Variants in STRADA observed in about 807,000 individuals in gnomAD.
The protein encoded by STRADA is STE20-related kinase adapter protein alpha.
Under a neutral mutation model 55.0 loss-of-function variants are expected in STRADA, and 26 were observed. The ratio of observed to expected loss-of-function variants is 0.47; its 90% CI spans 0.35 to 0.66. The LOEUF (loss-of-function observed/expected upper bound fraction) is 0.66. Among genes scored for constraint, STRADA ranks in the 30% least tolerant of loss-of-function variants. The pLI is 0.01. For synonymous variants in STRADA, 197 were observed against 210.9 expected (o/e 0.93, Z 0.57); for missense variants, 443 against 549.7 (o/e 0.81, Z 1.94).
chr17:63,722,987 T>C (rs2037411505), intron 4 of STRADA, among the ~76,000 whole-genome samples: 1 of 152,176 alleles, frequency 6.6e-6, no homozygotes, highest in East Asian at 1.9e-4. Context: ...AATAACCGTA[T>C]TTCTGACTGT....
At position 63,728,508 on chromosome 17, in the gene STRADA, A is replaced by C. The variant is rs374821564; in HGVS notation, c.-44-95T>G. ...AAAACTTATTACAGGTCTACCATTC[A>C]AAGCACTGGACTTCACCTATAAATT... On this transcript the variant is annotated intron_variant, in intron 1 of 12. Coordinates refer to ENST00000336174, the MANE Select transcript of STRADA (RefSeq NM_001003787.4). The C allele has an allele frequency of 2.6e-4, 162 of 627,056 alleles. 5 individuals are homozygous for C. In the South Asian group the frequency reaches 3.4e-3, roughly 13 times the overall value. 38.8% of individuals were successfully genotyped at this position (627,056 alleles called of 1,614,324 possible).
chr17:63,722,663 G>A (rs1568203902), intron 4 of STRADA, among the ~76,000 whole-genome samples: 1 of 152,168 alleles, frequency 6.6e-6, no homozygotes, highest in Non-Finnish European at 1.5e-5. Flanking sequence ...GGTAGGAAAG[G>A]TTCTTATCCT....
intron 9 of STRADA, among the ~76,000 whole-genome samples, chr17:63,706,943 C>T (rs377651370): frequency 6.6e-6 from 1 of 152,208 alleles, no homozygotes; most frequent in Non-Finnish European, 1.5e-5. Context: ...AGTGCCAGCC[C>T]CATGCCCCTG....
At chr17:63,713,553 G>A (rs778939416) in intron 5 of STRADA, 26 bp from the exon 6 acceptor site, 26 of 1,607,750 alleles carry the variant, frequency 1.6e-5, no homozygotes, top group South Asian at 6.8e-5. Flanking sequence ...AATGCCATAC[G>A]CAAGGACAAG....
chr17:63,728,903 ATTTT>A (rs1298765689), intron 1 of STRADA, among the ~76,000 whole-genome samples: 27 of 148,916 alleles, frequency 1.8e-4, no homozygotes, highest in African/African-American at 2.0e-4. Context: ...AAAAAAAAAA[ATTTT>A]AATTAATTAA....
At chr17:63,739,733 A>G (rs910716048) in intron 1 of STRADA, among the ~76,000 whole-genome samples, 4 of 143,798 alleles carry the variant, frequency 2.8e-5, no homozygotes, top group African/African-American at 1.1e-4. Context: ...TGTATATATT[A>G]TGTATACATA....
In STRADA at chr17:63,726,615, G is replaced by C. The variant is rs376149311; in HGVS notation, c.94+23C>G. ...GTGATTTTTATATCCTGAAGTGATG[G>C]CTAAATGCCATACTGTACTTACCTC... On this transcript the variant is annotated intron_variant, in intron 3 of 12. Coordinates refer to ENST00000336174, the MANE Select transcript of STRADA (RefSeq NM_001003787.4). 1.9e-5 allele frequency: 30 copies of C among 1,608,694 alleles called. No homozygotes were observed. In the African/African-American group the frequency reaches 3.6e-4, roughly 19 times the overall value.
At chr17:63,740,741 A>G (rs1598294839) in intron 1 of STRADA, among the ~76,000 whole-genome samples, 1 of 152,168 alleles carries the variant, frequency 6.6e-6, no homozygotes, top group East Asian at 1.9e-4. Flanking sequence ...CCTGCGCTCT[A>G]AAAACCAGAG....
At chr17:63,729,900 C>G (rs372249067) in intron 1 of STRADA, among the ~76,000 whole-genome samples, 2 of 150,742 alleles carry the variant, frequency 1.3e-5, no homozygotes, top group African/African-American at 4.9e-5. Flanking sequence ...TGCAGTTGCA[C>G]GATCTTGACT....
At chr17:63,740,151 C>CATAAATATATAT (rs1340895689) in intron 1 of STRADA, among the ~76,000 whole-genome samples, 1 of 79,690 alleles carries the variant, frequency 1.3e-5, no homozygotes, top group Non-Finnish European at 2.4e-5. Flanking sequence ...TATATATACA[C>CATAAATATATAT]ACACACACAC....
At chr17:63,719,827 G>A (rs923964975) in intron 4 of STRADA, among the ~76,000 whole-genome samples, 7 of 151,986 alleles carry the variant, frequency 4.6e-5, no homozygotes, top group Non-Finnish European at 8.8e-5. Flanking sequence ...TGTCAGGCGT[G>A]CATATAAGCT....
At position 63,723,464 on chromosome 17, in the gene STRADA, C is replaced by T. The variant is rs1034229034; in HGVS notation, c.95-138G>A. 75 of 884,974 alleles carry T rather than the reference C, an allele frequency of 8.5e-5. 1 individual carries two copies. The highest frequency in any genetic ancestry group is 1.2e-4 in the Non-Finnish European group (68 of 548,172). The allele number at this position is 884,974 out of a possible 1,614,324, so 54.8% of individuals were successfully genotyped here. A position where few individuals can be genotyped will look rare whatever the true frequency, so the allele number is the denominator to read the frequency against. On this transcript the variant is annotated intron_variant, in intron 3 of 12. Transcript: ENST00000336174. ...AAGTCATTACAGCAAAAAGTGCCTG[C>T]GGGGCTACATATAAACACACACAGA...
At chr17:63,707,664 A>G (rs2036195102) in intron 8 of STRADA, among the ~76,000 whole-genome samples, 1 of 152,004 alleles carries the variant, frequency 6.6e-6, no homozygotes, top group Non-Finnish European at 1.5e-5. Context: ...GGTTCAAGCA[A>G]TTCCTGTGCC....
At chr17:63,713,590 T>G in intron 5 of STRADA, 63 bp from the exon 6 acceptor site, 1 of 1,579,434 alleles carries the variant, frequency 6.3e-7, no homozygotes, top group Non-Finnish European at 8.5e-7. Flanking sequence ...AAGAAAATTT[T>G]CCTTTAAAAA....
At chr17:63,717,649 G>A (rs2036988956) in intron 4 of STRADA, among the ~76,000 whole-genome samples, 1 of 152,034 alleles carries the variant, frequency 6.6e-6, no homozygotes, top group South Asian at 2.1e-4. Flanking sequence ...CCTAATTTCT[G>A]TATTTTTAGT....
At chr17:63,733,959 C>T (rs965523949) in intron 1 of STRADA, among the ~76,000 whole-genome samples, 1 of 152,182 alleles carries the variant, frequency 6.6e-6, no homozygotes, top group Non-Finnish European at 1.5e-5. Context: ...TGCTGTTTCC[C>T]TTTGCTGGTT....
chr17:63,733,305 T>C (rs1251269288), intron 1 of STRADA, among the ~76,000 whole-genome samples: 1 of 152,216 alleles, frequency 6.6e-6, no homozygotes, highest in Non-Finnish European at 1.5e-5. Flanking sequence ...ATGGGTCATA[T>C]ATAACTGACA....
chr17:63,716,165 G>A (rs9913298), intron 4 of STRADA, among the ~76,000 whole-genome samples: 6,392 of 148,918 alleles, frequency 0.043, 474 homozygotes, highest in African/African-American at 0.15. Context: ...GCACGATCTT[G>A]GCTCAATGCA....
At chr17:63,714,633 C>G (rs536731381) in intron 4 of STRADA, 1 of 188,438 alleles carries the variant, frequency 5.3e-6, no homozygotes, top group African/African-American at 2.4e-5. Context: ...CATTGCCTGA[C>G]ATTTCCAAGT....
Sources: gnomAD v4.1 joint callset for allele counts (sites outside exome capture counted in the v4.1 genomes callset) on GRCh38, gnomAD v4.1.1 for gene constraint, MANE v1.5 for transcripts, NCBI Gene and HGNC (gene_info 2026-07-23, HGNC 2026-07-21) for gene names.